The following DSCAML1 variants were observed in gnomAD, a reference collection of about 807,000 sequenced individuals.
The protein encoded by DSCAML1 is cell adhesion molecule DSCAML1.
A neutral mutation model predicts 200.5 loss-of-function variants in DSCAML1; 38 were observed. That is an observed-to-expected ratio of 0.19 (90% CI 0.15 to 0.25). DSCAML1 has a LOEUF of 0.25. Among genes scored for constraint, DSCAML1 ranks in the 10% least tolerant of loss-of-function variants. The pLI is 1.00. For missense variants in DSCAML1, 2,223 were observed against 2,858.8 expected (o/e 0.78, Z 5.07); for synonymous variants, 1,215 against 1,165.0 (o/e 1.04, Z -0.87).
At chr11:117,490,609 T>G (rs2049165113) in intron 11 of DSCAML1, among the ~76,000 whole-genome samples, 1 of 152,250 alleles carries the variant, frequency 6.6e-6, no homozygotes, top group South Asian at 2.1e-4. Flanking sequence ...CCAGCTTCAT[T>G]CTTACTAAGG....
At chr11:117,808,765 G>A (rs1436251212) in intron 1 of DSCAML1, among the ~76,000 whole-genome samples, 1 of 152,176 alleles carries the variant, frequency 6.6e-6, no homozygotes, top group Non-Finnish European at 1.5e-5. Context: ...ATAAATGGCT[G>A]AAAAACACGC....
rs192719188 is a variant in DSCAML1, at chr11:117,698,021, C to T, written c.511+78770G>A. Among the ~76,000 whole-genome samples the T allele has an allele frequency of 3.8e-4, 58 of 152,312 alleles. No homozygotes were observed. In the East Asian group the frequency reaches 9.6e-3, roughly 25 times the overall value. On this transcript the variant is annotated intron_variant, in intron 3 of 32. Transcript: ENST00000651296. The stretch of plus-strand genomic sequence containing the variant: ...TCTTGACTTCGTGATCCACCTGCCT[C>T]GGCCTCCCAAAGTGCTGGGATTTCA...
At chr11:117,601,878 C>T (rs776135172) in intron 3 of DSCAML1, among the ~76,000 whole-genome samples, 1 of 152,164 alleles carries the variant, frequency 6.6e-6, no homozygotes, top group South Asian at 2.1e-4. Flanking sequence ...TGTTGGGACC[C>T]GAGGGGTCTA....
intron 3 of DSCAML1, among the ~76,000 whole-genome samples, chr11:117,767,798 G>A (rs761434807): frequency 6.6e-6 from 1 of 152,180 alleles, no homozygotes; most frequent in Non-Finnish European, 1.5e-5. Flanking sequence ...TGTGTGACCT[G>A]GAGCAAATTG....
chr11:117,538,780 G>A (rs529865131), intron 3 of DSCAML1, among the ~76,000 whole-genome samples: 1 of 149,778 alleles, frequency 6.7e-6, no homozygotes, highest in African/African-American at 2.4e-5. Flanking sequence ...GGGTGAGGGG[G>A]AGTGTGGTGG....
rs765947737 is a variant in DSCAML1, at chr11:117,480,563, C to T, written c.2665G>A (p.Asp889Asn). ...TCCCGGATCTCCAGCTCTGGGGGGTCGGGGGGCTCTAGGGTGCGGCAGTGG... is the reference window on the plus strand; with the variant it reads ...TCCCGGATCTCCAGCTCTGGGGGGTTGGGGGGCTCTAGGGTGCGGCAGTGG... ...LIQLTVQEPP[D>N]PPELEIREVK... The change falls in exon 14 of 33, where the codon GAC (aspartate) becomes AAC (asparagine). Residue 889 changes from aspartate to asparagine, a missense_variant. Physicochemically the swap from Asp to Asn is conservative, Grantham distance 23. Coordinates refer to ENST00000651296, the MANE Select transcript of DSCAML1 (RefSeq NM_020693.4). This position sits in a 1 kb window ranked among gnomAD's most constrained non-coding sequence, Gnocchi z 4.1. 1.3e-5 allele frequency: 21 copies of T among 1,562,342 alleles called. No homozygotes were observed. Among genetic ancestry groups the T allele is most frequent in the South Asian group, 3.5e-5 (3 of 85,030 alleles).
chr11:117,529,065 G>GTATTTATT (rs199607020), intron 4 of DSCAML1, among the ~76,000 whole-genome samples: 1 of 151,712 alleles, frequency 6.6e-6, no homozygotes, highest in African/African-American at 2.4e-5. Context: ...TTTATAGGCG[G>GTATTTATT]TATTTATTTA....
intron 27 of DSCAML1, 152 bp downstream of exon 27, chr11:117,435,492 G>C (rs1001886106): frequency 4.8e-6 from 4 of 837,358 alleles, no homozygotes; most frequent in Non-Finnish European, 7.0e-6. Context: ...CTGAACTAAG[G>C]AGGTTTCAGA....
intron 3 of DSCAML1, among the ~76,000 whole-genome samples, chr11:117,586,575 C>T (rs1218051135): frequency 6.6e-6 from 1 of 152,146 alleles, no homozygotes; most frequent in East Asian, 1.9e-4. Flanking sequence ...TCCTCCTGTT[C>T]GACTCGGCTG....
intron 3 of DSCAML1, among the ~76,000 whole-genome samples, chr11:117,720,070 C>CACTG (rs1235984286): frequency 6.6e-6 from 1 of 151,874 alleles, no homozygotes; most frequent in African/African-American, 2.4e-5. Flanking sequence ...CCGGCCCAGG[C>CACTG]ACTGGATCTC....
chr11:117,774,146 C>T (rs1051435215), intron 3 of DSCAML1, among the ~76,000 whole-genome samples: 2 of 152,210 alleles, frequency 1.3e-5, no homozygotes, highest in African/African-American at 2.4e-5. Flanking sequence ...TGTCTTATTC[C>T]ATGTCTCTGT....
chr11:117,439,509 A>G, intron 22 of DSCAML1, 80 bp from the exon 23 acceptor site: 1 of 1,535,932 alleles, frequency 6.5e-7, no homozygotes, highest in Admixed American at 1.8e-5. Flanking sequence ...TGTGTGACAA[A>G]GAGAGCTGGG....
At chr11:117,756,123 A>T (rs183257104) in intron 3 of DSCAML1, among the ~76,000 whole-genome samples, 1 of 152,244 alleles carries the variant, frequency 6.6e-6, no homozygotes, top group Non-Finnish European at 1.5e-5. Context: ...TAGGAAGTGG[A>T]AAAAAGAAAA....
At chr11:117,476,297 A>G (rs973085996) in intron 14 of DSCAML1, among the ~76,000 whole-genome samples, 2 of 152,198 alleles carry the variant, frequency 1.3e-5, no homozygotes, top group African/African-American at 2.4e-5. Context: ...AGCTTGGAGA[A>G]AAGCCACATC....
chr11:117,440,826 C>T (rs1484531729), intron 21 of DSCAML1, among the ~76,000 whole-genome samples: 2 of 144,884 alleles, frequency 1.4e-5, no homozygotes, highest in Non-Finnish European at 1.5e-5. Context: ...GAGGCTGAGG[C>T]GAGAGAATCG....
chr11:117,707,172 T>G (rs1013856675), intron 3 of DSCAML1, among the ~76,000 whole-genome samples: 6 of 152,108 alleles, frequency 3.9e-5, no homozygotes, highest in Admixed American at 3.9e-4. Flanking sequence ...GCCCAGAAGG[T>G]GGGTGGTGGT....
At chr11:117,657,166 C>T (rs955600506) in intron 3 of DSCAML1, among the ~76,000 whole-genome samples, 2 of 152,192 alleles carry the variant, frequency 1.3e-5, no homozygotes, top group Non-Finnish European at 2.9e-5. Flanking sequence ...TCAACATCCA[C>T]ATCCCATCAG....
At chr11:117,769,490 T>TTATATATATAATATATATTA (rs2054991958) in intron 3 of DSCAML1, among the ~76,000 whole-genome samples, 1 of 85,948 alleles carries the variant, frequency 1.2e-5, no homozygotes, top group African/African-American at 6.5e-5. Flanking sequence ...AATATATATT[T>TTATATATATAATATATATTA]TATATATATA....
At chr11:117,733,075 G>A (rs975544756) in intron 3 of DSCAML1, among the ~76,000 whole-genome samples, 1 of 152,074 alleles carries the variant, frequency 6.6e-6, no homozygotes, top group East Asian at 1.9e-4. Context: ...GGGTGAACTG[G>A]CAGGAGAGGA....
Sources: allele counts gnomAD v4.1 joint callset (sites outside exome capture counted in the v4.1 genomes callset), GRCh38; gene constraint gnomAD v4.1.1; non-coding constraint Gnocchi (gnomAD v3.1); transcripts MANE v1.5; gene names NCBI Gene and HGNC (gene_info 2026-07-23, HGNC 2026-07-21).